The following FOXP2 variants were observed in gnomAD, a reference collection of about 807,000 sequenced individuals.
FOXP2 encodes forkhead box P2.
In FOXP2, 12 loss-of-function variants were observed where a neutral mutation model predicts 115.8. That is an observed-to-expected ratio of 0.10 (90% CI 0.07 to 0.17). FOXP2 has a LOEUF of 0.17. FOXP2 is among the 10% of genes least tolerant of loss of function. The pLI is 1.00. For synonymous variants in FOXP2, 328 were observed against 297.7 expected, an observed-to-expected ratio of 1.10 and a Z score of -1.05; for missense variants, 629 against 843.5, an observed-to-expected ratio of 0.75 and a Z score of 3.15.
intron 3 of FOXP2, among the ~76,000 whole-genome samples, chr7:114,598,027 A>G (rs1403045688): frequency 6.6e-6 from 1 of 152,154 alleles, no homozygotes; most frequent in Non-Finnish European, 1.5e-5. Context: ...TACTTTGCCT[A>G]CTAAATAGTT....
chr7:114,185,084 T>C (rs1793557193), intron 1 of FOXP2, among the ~76,000 whole-genome samples: 1 of 152,162 alleles, frequency 6.6e-6, no homozygotes, highest in Non-Finnish European at 1.5e-5. Flanking sequence ...GTCCTATAAT[T>C]TCCCCTAAAA....
In FOXP2 at chr7:114,581,075, G is replaced by GCACACACACACA. The variant is rs3028257; in HGVS notation, c.258+46390_258+46401dup. ...AGAAGATACACTCACATAAACACAT[G>GCACACACACACA]CACACACACACACACACACACACAC... is the stretch of plus-strand genomic sequence containing the variant. On this transcript the variant is annotated intron_variant, in intron 3 of 16. Transcript: ENST00000350908. Among the ~76,000 whole-genome samples the GCACACACACACA allele has an allele frequency of 8.0e-3, 1,154 of 144,746 alleles. 8 individuals are homozygous for GCACACACACACA. Among genetic ancestry groups the GCACACACACACA allele is most frequent in the Non-Finnish European group, 0.012 (785 of 66,202 alleles). 95.0% of individuals were successfully genotyped at this position (144,746 alleles called of 152,430 possible). A position where few individuals can be genotyped will look rare whatever the true frequency, so the allele number is the denominator to read the frequency against.
chr7:114,264,632 G>T (rs1227839253), intron 1 of FOXP2, among the ~76,000 whole-genome samples: 2 of 152,142 alleles, frequency 1.3e-5, no homozygotes, highest in Non-Finnish European at 2.9e-5. Context: ...CTATTTGGGG[G>T]TGTGTTAGGC....
At chr7:114,199,044 T>A (rs1045275362) in intron 1 of FOXP2, among the ~76,000 whole-genome samples, 2 of 152,186 alleles carry the variant, frequency 1.3e-5, no homozygotes, top group African/African-American at 4.8e-5. Context: ...GATAAGGTCT[T>A]ACACTATTGC....
chr7:114,609,515 T>A (rs1471972785), intron 3 of FOXP2, among the ~76,000 whole-genome samples: 1 of 152,198 alleles, frequency 6.6e-6, no homozygotes, highest in African/African-American at 2.4e-5. Flanking sequence ...TTTGTAAAAT[T>A]CTTTTCGAGC....
intron 16 of FOXP2, among the ~76,000 whole-genome samples, chr7:114,674,394 T>G (rs1230808819): frequency 1.3e-5 from 2 of 152,220 alleles, no homozygotes; most frequent in Non-Finnish European, 2.9e-5. Flanking sequence ...CTTTTCATAA[T>G]TGCACATTTC....
At chr7:114,529,278 G>C (rs1181671808) in intron 2 of FOXP2, among the ~76,000 whole-genome samples, 2 of 151,794 alleles carry the variant, frequency 1.3e-5, no homozygotes, top group Non-Finnish European at 3.0e-5. Context: ...GAGGTCATCT[G>C]GGGGTTTGGA....
At chr7:114,254,157 A>G (rs1333379327) in intron 1 of FOXP2, among the ~76,000 whole-genome samples, 1 of 152,118 alleles carries the variant, frequency 6.6e-6, no homozygotes, top group East Asian at 1.9e-4. Flanking sequence ...TTCTGCAGAG[A>G]GATCTGCTGT....
chr7:114,647,048 T>A (rs994526617), intron 8 of FOXP2, among the ~76,000 whole-genome samples: 4 of 151,930 alleles, frequency 2.6e-5, no homozygotes, highest in Non-Finnish European at 5.9e-5. Flanking sequence ...CAGTGTTTAT[T>A]ATAAAAGTTT....
At chr7:114,254,142 A>G (rs1379346016) in intron 1 of FOXP2, among the ~76,000 whole-genome samples, 2 of 152,142 alleles carry the variant, frequency 1.3e-5, no homozygotes, top group Non-Finnish European at 2.9e-5. Context: ...TCTGGCTTGT[A>G]GAGTTTCTGC....
chr7:114,139,706 CT>C (rs1401492019), intron 1 of FOXP2, among the ~76,000 whole-genome samples: 1 of 152,038 alleles, frequency 6.6e-6, no homozygotes, highest in African/African-American at 2.4e-5. Context: ...AAAAGTATTC[CT>C]CTTTTTGTTG....
At chr7:114,568,352 A>G (rs1254049116) in intron 3 of FOXP2, among the ~76,000 whole-genome samples, 3 of 151,616 alleles carry the variant, frequency 2.0e-5, no homozygotes, top group Admixed American at 2.0e-4. Context: ...TCGAAAAATA[A>G]TGAGTATATA....
intron 2 of FOXP2, among the ~76,000 whole-genome samples, chr7:114,337,945 C>A (rs1017506523): frequency 6.6e-6 from 1 of 151,004 alleles, no homozygotes; most frequent in Admixed American, 6.6e-5. Flanking sequence ...GAAGGCATAT[C>A]TGTGTCAAAT....
At chr7:114,116,944 T>C (rs1791423931) in intron 1 of FOXP2, among the ~76,000 whole-genome samples, 1 of 152,050 alleles carries the variant, frequency 6.6e-6, no homozygotes, top group South Asian at 2.1e-4. Flanking sequence ...CTGCATACTC[T>C]GGGAAAGGCT....
chr7:114,393,977 TGAGA>T (rs1562901862), intron 2 of FOXP2, among the ~76,000 whole-genome samples: 18 of 97,796 alleles, frequency 1.8e-4, no homozygotes, highest in South Asian at 5.2e-4. Context: ...TGTGTGTGTG[TGAGA>T]GTGTGTGTGT....
upstream of FOXP2, among the ~76,000 whole-genome samples, chr7:114,161,652 G>A (rs957285699): frequency 2.7e-5 from 4 of 149,930 alleles, no homozygotes; most frequent in Admixed American, 6.6e-5. Flanking sequence ...GTGTGTGTGC[G>A]TGTATATATA....
intron 2 of FOXP2, among the ~76,000 whole-genome samples, chr7:114,468,168 T>G (rs1050751238): frequency 4.6e-5 from 7 of 152,214 alleles, no homozygotes; most frequent in Admixed American, 2.6e-4. Context: ...CTTCTAGAAC[T>G]GATCATTTTA....
upstream of FOXP2, chr7:114,162,942 A>G (rs1399772907): frequency 6.6e-6 from 1 of 152,132 alleles, no homozygotes; most frequent in Non-Finnish European, 1.5e-5. Flanking sequence ...ATTTCCCTCT[A>G]GATCAAACAA....
chr7:114,369,027 A>G (rs756996395), intron 2 of FOXP2, among the ~76,000 whole-genome samples: 3 of 152,180 alleles, frequency 2.0e-5, no homozygotes, highest in Non-Finnish European at 4.4e-5. Context: ...GCCACTTAAG[A>G]CAGTGCACTT....
Sources: gnomAD v4.1 joint callset for allele counts (sites outside exome capture counted in the v4.1 genomes callset) on GRCh38, gnomAD v4.1.1 for gene constraint, MANE v1.5 for transcripts, NCBI Gene and HGNC (gene_info 2026-07-23, HGNC 2026-07-21) for gene names.